Variants in ACOXL observed in about 807,000 individuals in gnomAD.
ACOXL encodes acyl-CoA oxidase like.
A neutral mutation model predicts 71.9 loss-of-function variants in ACOXL; 70 were observed. That is an observed-to-expected ratio of 0.97 (90% confidence interval 0.80 to 1.19). The LOEUF is 1.19. Among genes scored for constraint, ACOXL ranks in the 50% most tolerant of loss-of-function variants. The pLI is 0.00. For missense variants in ACOXL, 703 were observed against 736.3 expected, an observed-to-expected ratio of 0.95 and a Z score of 0.52; for synonymous variants, 253 against 281.6, an observed-to-expected ratio of 0.90 and a Z score of 1.02.
At chr2:110,896,645 G>T (rs1416971376) in intron 10 of ACOXL, among the ~76,000 whole-genome samples, 2 of 152,134 alleles carry the variant, frequency 1.3e-5, no homozygotes, top group Non-Finnish European at 2.9e-5. Context: ...AGGACTTTCA[G>T]TAATGATTAA....
chr2:111,054,288 T>C (rs900456416), intron 16 of ACOXL, among the ~76,000 whole-genome samples: 1 of 152,218 alleles, frequency 6.6e-6, no homozygotes, highest in African/African-American at 2.4e-5. Flanking sequence ...GGCAGGGCTG[T>C]CACGCACCAG....
chr2:110,865,558 G>A (rs757536205), intron 10 of ACOXL, among the ~76,000 whole-genome samples: 1 of 152,152 alleles, frequency 6.6e-6, no homozygotes, highest in Non-Finnish European at 1.5e-5. Context: ...AGGAGCATTT[G>A]TGATATTTCA....
intron 17 of ACOXL, among the ~76,000 whole-genome samples, chr2:111,111,734 G>A (rs1039038963): frequency 3.9e-5 from 6 of 152,152 alleles, no homozygotes; most frequent in African/African-American, 1.4e-4. Flanking sequence ...CTTTGTCATG[G>A]AAATACCAGA....
intron 10 of ACOXL, among the ~76,000 whole-genome samples, chr2:110,847,151 A>G (rs530567360): frequency 3.3e-5 from 5 of 151,848 alleles, no homozygotes; most frequent in African/African-American, 1.2e-4. Context: ...CATCACCCAC[A>G]CAGTGGGGAA....
At chr2:110,952,888 G>T in intron 12 of ACOXL, among the ~76,000 whole-genome samples, 1 of 151,672 alleles carries the variant, frequency 6.6e-6, no homozygotes, top group Admixed American at 6.6e-5. Flanking sequence ...ATGCTGCTTT[G>T]GTCATATCAA....
intron 10 of ACOXL, 35 bp downstream of exon 10, chr2:110,841,440 A>G: frequency 6.3e-7 from 1 of 1,575,862 alleles, no homozygotes; most frequent in Non-Finnish European, 8.7e-7. Flanking sequence ...TTTAAGAATT[A>G]TCCTTACCAG....
chr2:111,099,836 A>G (rs898873860), intron 17 of ACOXL: 7 of 152,232 alleles, frequency 4.6e-5, no homozygotes, highest in African/African-American at 1.7e-4. Context: ...AAGCCTTTCA[A>G]AATGACCCAA....
chr2:110,984,345 A>AT (rs1278354254), intron 12 of ACOXL, among the ~76,000 whole-genome samples: 1 of 152,094 alleles, frequency 6.6e-6, no homozygotes, highest in Non-Finnish European at 1.5e-5. Flanking sequence ...GCACATCTTC[A>AT]TTGCACACTC....
At chr2:110,754,963 T>G (rs920298834) in intron 1 of ACOXL, among the ~76,000 whole-genome samples, 1 of 152,192 alleles carries the variant, frequency 6.6e-6, no homozygotes, top group Non-Finnish European at 1.5e-5. Flanking sequence ...GTCTAGTTGC[T>G]CAGCATGCTT....
At chr2:110,914,824 T>C (rs2059778501) in intron 11 of ACOXL, among the ~76,000 whole-genome samples, 1 of 152,210 alleles carries the variant, frequency 6.6e-6, no homozygotes, top group Non-Finnish European at 1.5e-5. Context: ...ATTGTCTTTC[T>C]TGTTTGTTTT....
intron 1 of ACOXL, among the ~76,000 whole-genome samples, chr2:110,747,587 G>A (rs1678384965): frequency 6.6e-6 from 1 of 152,200 alleles, no homozygotes; most frequent in African/African-American, 2.4e-5. Context: ...TTTCTAAGCT[G>A]ATCACTTTCC....
At chr2:110,793,042 G>A (rs989278038) in intron 3 of ACOXL, among the ~76,000 whole-genome samples, 1 of 152,218 alleles carries the variant, frequency 6.6e-6, no homozygotes, top group Non-Finnish European at 1.5e-5. Flanking sequence ...GAGTCAGTGA[G>A]CTTGTAAGCT....
At chr2:110,861,695 G>A (rs888012206) in intron 10 of ACOXL, among the ~76,000 whole-genome samples, 15 of 152,286 alleles carry the variant, frequency 9.8e-5, no homozygotes, top group East Asian at 7.7e-4. Flanking sequence ...TTTGGAGGTC[G>A]CTAATCCGGT....
At chr2:110,756,711 A>G (rs527665884) in intron 1 of ACOXL, among the ~76,000 whole-genome samples, 1 of 152,088 alleles carries the variant, frequency 6.6e-6, no homozygotes, top group Non-Finnish European at 1.5e-5. Context: ...TGTTTTTCCC[A>G]TGATTTGATA....
chr2:110,837,723 A>G (rs1345995450), intron 9 of ACOXL, among the ~76,000 whole-genome samples: 1 of 152,058 alleles, frequency 6.6e-6, no homozygotes, highest in Non-Finnish European at 1.5e-5. Flanking sequence ...AAATTTTTGA[A>G]ATGTTGAATT....
At chr2:110,839,619 C>T (rs183517288) in intron 9 of ACOXL, among the ~76,000 whole-genome samples, 190 of 152,294 alleles carry the variant, frequency 1.2e-3, no homozygotes, top group African/African-American at 4.4e-3. Context: ...GGCTTGCCCT[C>T]GTTGGTCCTG....
chr2:110,806,144 G>A (rs943420045), intron 9 of ACOXL, among the ~76,000 whole-genome samples: 3 of 152,226 alleles, frequency 2.0e-5, no homozygotes, highest in Non-Finnish European at 4.4e-5. Context: ...ACATCAGTCC[G>A]GAGTCGTCTG....
intron 15 of ACOXL, among the ~76,000 whole-genome samples, chr2:111,042,310 A>G (rs2065822199): frequency 6.6e-6 from 1 of 152,228 alleles, no homozygotes; most frequent in African/African-American, 2.4e-5. Context: ...TTATCAGAAC[A>G]ATGTGACGCT....
intron 1 of ACOXL, among the ~76,000 whole-genome samples, chr2:110,766,566 A>G (rs550691814): frequency 6.6e-6 from 1 of 152,286 alleles, no homozygotes; most frequent in African/African-American, 2.4e-5. Flanking sequence ...TATGGGATGG[A>G]AGGTCAGTTC....
Sources: gnomAD v4.1 joint callset for allele counts (sites outside exome capture counted in the v4.1 genomes callset) on GRCh38, gnomAD v4.1.1 for gene constraint, MANE v1.5 for transcripts, NCBI Gene and HGNC (gene_info 2026-07-23, HGNC 2026-07-21) for gene names.